Variants in STARD5 observed in about 807,000 individuals in gnomAD.
The protein encoded by STARD5 is StAR related lipid transfer domain containing 5.
In STARD5, 26 loss-of-function variants were observed where a neutral mutation model predicts 24.6. The ratio of observed to expected loss-of-function variants is 1.06; its 90% CI spans 0.77 to 1.47. STARD5 has a LOEUF of 1.47. STARD5 is among the 40% of genes most tolerant of loss of function. The pLI, the probability that STARD5 is intolerant of heterozygous loss-of-function variation, is 0.00. For synonymous variants in STARD5, 101 were observed against 99.7 expected (o/e 1.01, Z -0.07); for missense variants, 254 against 270.8 (o/e 0.94, Z 0.44).
rs777074962 is a variant in STARD5, at chr15:81,312,535, ACTC to A, written c.*718_*720del. The A allele has an allele frequency of 1.3e-5, 2 of 152,334 alleles. No homozygotes were observed. The highest frequency in any genetic ancestry group is 2.9e-5 in the Non-Finnish European group (2 of 68,026). 9.4% of individuals were successfully genotyped at this position (152,334 alleles called of 1,614,324 possible). ...GCTCAGTTCAGAATCACTTCTGAGA[ACTC>A]ATCCCTAATGCTGCAGATTTGGGCT... is the stretch of plus-strand genomic sequence containing the variant. On this transcript the variant is annotated 3_prime_UTR_variant, in exon 6 of 6. Coordinates refer to ENST00000302824, the MANE Select transcript of STARD5 (RefSeq NM_181900.3).
At position 81,318,870 on chromosome 15, in the gene STARD5, C is replaced by T. The variant is rs1901136891; in HGVS notation, c.401-368G>A. Among the ~76,000 whole-genome samples, 3 of 152,178 alleles carry T rather than the reference C, an allele frequency of 2.0e-5. No homozygotes were observed. In the South Asian group the frequency reaches 6.2e-4, roughly 32 times the overall value. ...CATGGGAGGAGGCAGGTGCCTCTCT[C>T]AAATCTCAGCCAGGAGAGGCATGGA... On this transcript the variant is annotated intron_variant, in intron 4 of 5. Coordinates refer to ENST00000302824, the MANE Select transcript of STARD5 (RefSeq NM_181900.3).
At chr15:81,323,117 C>G in intron 1 of STARD5, 169 bp from the exon 2 acceptor site, 1 of 648,270 alleles carries the variant, frequency 1.5e-6, no homozygotes, top group Non-Finnish European at 2.7e-6. Flanking sequence ...CAAAGCTGTC[C>G]CCACAGCAGA....
intron 5 of STARD5, chr15:81,314,051 T>C (rs1901011560): frequency 6.6e-6 from 1 of 152,228 alleles, no homozygotes; most frequent in African/African-American, 2.4e-5. Context: ...AAATGTTATC[T>C]ATGTTAACAT....
chr15:81,322,296 G>A, intron 3 of STARD5, 112 bp downstream of exon 3: 5 of 1,415,206 alleles, frequency 3.5e-6, no homozygotes, highest in Non-Finnish European at 4.9e-6. Flanking sequence ...GTGCTTGCAG[G>A]ACACACCCCC....
intron 1 of STARD5, 176 bp from the exon 2 acceptor site, chr15:81,323,124 C>T (rs927537706): frequency 2.1e-5 from 13 of 633,008 alleles, no homozygotes; most frequent in African/African-American, 3.7e-5. Flanking sequence ...GTCCCCACAG[C>T]AGAATGTGAT....
chr15:81,309,157 A>G lies in STARD5; in HGVS notation c.*4099T>C, dbSNP rs749198028. ...TGTAACTGTGTCATGATTCACCCCC[A>G]AACAGTGACATTTATTTTTCTCATG... On this transcript the variant is annotated 3_prime_UTR_variant, in exon 6 of 6. Transcript: ENST00000302824. 1 of 202,230 alleles carries G rather than the reference A, an allele frequency of 4.9e-6. No homozygotes were observed. Among genetic ancestry groups the G allele is most frequent in the Non-Finnish European group, 9.9e-6 (1 of 100,704 alleles). The allele number at this position is 202,230 out of a possible 1,614,324, so 12.5% of individuals were successfully genotyped here. A position where few individuals can be genotyped will look rare whatever the true frequency, so the allele number is the denominator to read the frequency against.
rs74028608 is a variant in STARD5 at position 81,319,980 on chromosome 15, A to G, written c.283-524T>C. Among the ~76,000 whole-genome samples the G allele has an allele frequency of 3.0e-3, 457 of 152,090 alleles. 2 individuals carry two copies. Among genetic ancestry groups the G allele is most frequent in the African/African-American group, 0.01 (434 of 41,500 alleles). ...AGCCTCCTATGTTGTGCCTGGGGCAACTCTTTGGTTTACCCTAGTCCCAGC... is the reference window on the plus strand; with the variant it reads ...AGCCTCCTATGTTGTGCCTGGGGCAGCTCTTTGGTTTACCCTAGTCCCAGC... On this transcript the variant is annotated intron_variant, in intron 3 of 5. Transcript: ENST00000302824.
At chr15:81,318,312 T>C (rs944106184) in intron 5 of STARD5, 97 bp downstream of exon 5, 6 of 1,016,974 alleles carry the variant, frequency 5.9e-6, no homozygotes, top group East Asian at 2.4e-5. Context: ...TTTTCTTCTT[T>C]TGAATCGTAG....
intron 2 of STARD5, 118 bp from the exon 3 acceptor site, chr15:81,322,658 T>C (rs1238891619): frequency 1.3e-6 from 2 of 1,517,406 alleles, no homozygotes; most frequent in Non-Finnish European, 1.8e-6. Flanking sequence ...TAGGACAGAC[T>C]TGCAGAGAAG....
At chr15:81,314,898 A>AG (rs1241273503) in intron 5 of STARD5, among the ~76,000 whole-genome samples, 1 of 147,954 alleles carries the variant, frequency 6.8e-6, no homozygotes, top group South Asian at 2.1e-4. Context: ...AAAAAGAAAA[A>AG]AAAAAAAAAA....
chr15:81,311,614 A>G lies in STARD5; in HGVS notation c.*1642T>C, dbSNP rs530984344. 42 of 152,356 alleles carry G rather than the reference A, an allele frequency of 2.8e-4. No individual in the cohort carries two copies. Among genetic ancestry groups the G allele is most frequent in the African/African-American group, 9.6e-4 (40 of 41,568 alleles). The allele number at this position is 152,356 out of a possible 1,614,324, so 9.4% of individuals were successfully genotyped here. ...ACACAGGGATGTACAAGGCGATCCC[A>G]TCTTGATAAGACCACCACCTCAGAG... On this transcript the variant is annotated 3_prime_UTR_variant, in exon 6 of 6. Coordinates refer to ENST00000302824, the MANE Select transcript of STARD5 (RefSeq NM_181900.3).
intron 3 of STARD5, 68 bp from the exon 4 acceptor site, chr15:81,319,524 C>A: frequency 2.9e-6 from 4 of 1,388,316 alleles, no homozygotes; most frequent in Non-Finnish European, 4.1e-6. Flanking sequence ...CCCACCCCAT[C>A]CCTCAAGGTC....
chr15:81,318,461 A>C lies in STARD5; in HGVS notation c.442T>G (p.Phe148Val). 1 of 1,614,062 alleles carries C rather than the reference A, an allele frequency of 6.2e-7. No individual in the cohort carries two copies. The highest frequency in any genetic ancestry group is 8.5e-7 in the Non-Finnish European group (1 of 1,180,014). Residue 148 changes from phenylalanine (F) to valine (V), a missense_variant, in exon 5 of 6, where the codon TTT (phenylalanine) becomes GTT (valine). Transcript: ENST00000302824. ...EHPLCPPKPG[F>V]VRGFNHPCGC... ...CAAGGATGGTTAAATCCTCTCACAA[A>C]ACCTGGCTTCGGGGGACATAACGGA...
chr15:81,319,532 G>GGA, intron 3 of STARD5, 76 bp from the exon 4 acceptor site: 1 of 1,310,658 alleles, frequency 7.6e-7, no homozygotes, highest in Non-Finnish European at 1.1e-6. Context: ...ATCCCTCAAG[G>GGA]TCTGGGAAAG....
chr15:81,322,579 C>T, intron 2 of STARD5, 39 bp from the exon 3 acceptor site: 5 of 1,613,476 alleles, frequency 3.1e-6, no homozygotes, highest in Non-Finnish European at 4.2e-6. Flanking sequence ...ACGCATCAAT[C>T]AAACTTGTTA....
At chr15:81,323,017 G>C in intron 1 of STARD5, 69 bp from the exon 2 acceptor site, 2 of 1,550,694 alleles carry the variant, frequency 1.3e-6, no homozygotes, top group Non-Finnish European at 1.8e-6. Flanking sequence ...TTAATCCCCT[G>C]TTCTACAGAA....
chr15:81,313,646 A>T, intron 5 of STARD5: 1 of 316,830 alleles, frequency 3.2e-6, no homozygotes, highest in East Asian at 5.0e-5. Flanking sequence ...AGAAGTCCCT[A>T]CTCCCAGCCC....
chr15:81,323,646 A>G, intron 1 of STARD5: 1 of 1,251,654 alleles, frequency 8.0e-7, no homozygotes, highest in Non-Finnish European at 1.2e-6. Context: ...AGCTGCGACC[A>G]CATTCTTTCA....
rs981125892 is a variant in STARD5 at position 81,313,103 on chromosome 15, G to A, written c.*153C>T. On this transcript the variant is annotated 3_prime_UTR_variant, in exon 6 of 6. Coordinates refer to ENST00000302824, the MANE Select transcript of STARD5 (RefSeq NM_181900.3). ...CAGGAGGCAGGAAGGGTGGGCTGCC[G>A]CCTCTGGTTGGCATTCTCAGAGATG... The A allele has an allele frequency of 2.4e-5, 22 of 899,170 alleles. No individual in the cohort carries two copies. In the South Asian group the frequency reaches 3.7e-4, roughly 15 times the overall value. The allele number at this position is 899,170 out of a possible 1,614,324, so 55.7% of individuals were successfully genotyped here.
Sources: gnomAD v4.1 joint callset for allele counts (sites outside exome capture counted in the v4.1 genomes callset) on GRCh38, gnomAD v4.1.1 for gene constraint, MANE v1.5 for transcripts, NCBI Gene and HGNC (gene_info 2026-07-23, HGNC 2026-07-21) for gene names.